The following ZNF174 variants were observed in gnomAD, a reference collection of about 807,000 sequenced individuals.
The protein encoded by ZNF174 is zinc finger protein 174.
In ZNF174, 30 loss-of-function variants were observed where a neutral mutation model predicts 38.7. The observed-to-expected ratio is 0.78, with a 90% CI of 0.58 to 1.05. The LOEUF is 1.05. Ranked by LOEUF, ZNF174 falls within the 50% of genes least tolerant of loss-of-function variation. The pLI is 0.00. For missense variants in ZNF174, 499 were observed against 495.6 expected (o/e 1.01, Z -0.06); for synonymous variants, 201 against 181.7 (o/e 1.11, Z -0.86).
rs993537575 is a variant in ZNF174 at position 3,406,710 on chromosome 16, C to T, written c.626-1611C>T. The stretch of plus-strand genomic sequence containing the variant: ...TGTGTAATTTGCAAATCTTTTCTCT[C>T]ATTTTGTGGGTTGTCTCACTTTCTT... On this transcript the variant is annotated intron_variant, in intron 2 of 2. Transcript: ENST00000268655. Among the ~76,000 whole-genome samples the T allele has an allele frequency of 2.0e-5, 3 of 152,252 alleles. No individual in the cohort carries two copies. The East Asian group carries it at 5.8e-4, about 29-fold the overall frequency.
Position 3,402,221 on chromosome 16 carries a change from C to G in ZNF174, c.217C>G (p.Gln73Glu). The change falls in exon 1 of 3, where the codon CAG (glutamine) becomes GAG (glutamate). Residue 73 changes from glutamine (Q) to glutamate (E), a missense_variant. Physicochemically the swap from Gln to Glu is conservative, Grantham distance 29. Transcript: ENST00000268655. ...CTCCCAGCTCCGACAGCTCTGCCGT[C>G]AGTGGTTGCAACCCGAGCTGCACAC... is the stretch of plus-strand genomic sequence containing the variant. ...ALSQLRQLCR[Q>E]WLQPELHTKE... The G allele has an allele frequency of 6.2e-7, 1 of 1,614,164 alleles. No homozygotes were observed. The highest frequency in any genetic ancestry group is 1.1e-5 in the South Asian group (1 of 91,084).
Position 3,402,223 on chromosome 16 carries a change from G to T in ZNF174, c.219G>T (p.Gln73His). ...ALSQLRQLCR[Q>H]WLQPELHTKE... Reference sequence around the variant, plus strand: ...CCCAGCTCCGACAGCTCTGCCGTCAGTGGTTGCAACCCGAGCTGCACACCA... The same window carrying T: ...CCCAGCTCCGACAGCTCTGCCGTCATTGGTTGCAACCCGAGCTGCACACCA... The change falls in exon 1 of 3, where the codon CAG (glutamine) becomes CAT (histidine). Residue 73 changes from glutamine to histidine, a missense_variant. Physicochemically the swap from Gln to His is conservative, Grantham distance 24 (BLOSUM62 0). Transcript: ENST00000268655. 6.2e-7 allele frequency: 1 copy of T among 1,614,174 alleles called. No individual in the cohort carries two copies. Among genetic ancestry groups the T allele is most frequent in the Admixed American group, 1.7e-5 (1 of 60,022 alleles).
chr16:3,404,970 G>C (rs529991108), intron 2 of ZNF174: 10 of 1,614,134 alleles, frequency 6.2e-6, no homozygotes, highest in Non-Finnish European at 7.6e-6. Context: ...GCAAGCTATG[G>C]CTGAGTTTCA....
intron 2 of ZNF174, chr16:3,404,955 TC>T: frequency 6.2e-7 from 1 of 1,614,180 alleles, no homozygotes; most frequent in Non-Finnish European, 8.5e-7. Flanking sequence ...CAGATGAACT[TC>T]CATGCAAGCT....
At chr16:3,406,978 TAGGGGTCTGTCAATCTGATC>T (rs1484232377) in intron 2 of ZNF174, among the ~76,000 whole-genome samples, 1 of 152,162 alleles carries the variant, frequency 6.6e-6, no homozygotes, top group Admixed American at 6.5e-5. Flanking sequence ...GGTTTTGAGG[TAGGGGTCTGTCAATCTGATC>T]AGGGGTCTGT....
Position 3,401,752 on chromosome 16 carries a change from G to T in ZNF174, c.-253G>T. On this transcript the variant is annotated 5_prime_UTR_variant, in exon 1 of 3. An upstream start codon of the reference 5' UTR is lost. Coordinates refer to ENST00000268655, the MANE Select transcript of ZNF174 (RefSeq NM_003450.3). Reference sequence around the variant, plus strand: ...CCCCAGAGTCCTTTTAGGACGTTATGACTTTTCTCCTTTGCAAGACTGCAA... The same window carrying T: ...CCCCAGAGTCCTTTTAGGACGTTATTACTTTTCTCCTTTGCAAGACTGCAA... 2.2e-6 allele frequency: 1 copy of T among 453,650 alleles called. No individual in the cohort carries two copies. The highest frequency in any genetic ancestry group is 2.6e-5 in the South Asian group (1 of 38,428). 28.1% of individuals were successfully genotyped at this position (453,650 alleles called of 1,614,324 possible).
At chr16:3,405,221 G>A (rs2034038306) in intron 2 of ZNF174, 1 of 688,060 alleles carries the variant, frequency 1.5e-6, no homozygotes, top group Non-Finnish European at 2.2e-6. Context: ...GATACAGTGA[G>A]CACGTTAGGG....
At position 3,408,334 on chromosome 16, in the gene ZNF174, G is replaced by A; in HGVS notation, c.639G>A (p.Met213Ile). 6.3e-7 allele frequency: 1 copy of A among 1,584,102 alleles called. No individual in the cohort carries two copies. Among genetic ancestry groups the A allele is most frequent in the Non-Finnish European group, 8.6e-7 (1 of 1,166,750 alleles). Residue 213 changes from methionine (M) to isoleucine (I), a missense_variant, in exon 3 of 3, where the codon ATG becomes ATA. By Grantham distance (10) the Met-to-Ile change is conservative. Coordinates refer to ENST00000268655, the MANE Select transcript of ZNF174 (RefSeq NM_003450.3). ...TTCTAATTATAGAGGCCCCCAGAATGAGAAGTGACAACAAGGAAAATCCAC... is the reference window on the plus strand; with the variant it reads ...TTCTAATTATAGAGGCCCCCAGAATAAGAAGTGACAACAAGGAAAATCCAC... ...PKLAGTEAPR[M>I]RSDNKENPQQ...
intron 1 of ZNF174, among the ~76,000 whole-genome samples, chr16:3,403,613 T>A (rs1038731609): frequency 1.4e-4 from 22 of 152,020 alleles, no homozygotes; most frequent in African/African-American, 5.1e-4. Flanking sequence ...GCCTCTCAAG[T>A]AGCTGGGACT....
intron 1 of ZNF174, among the ~76,000 whole-genome samples, chr16:3,404,026 G>A (rs2034013622): frequency 6.6e-6 from 1 of 152,150 alleles, no homozygotes; most frequent in African/African-American, 2.4e-5. Flanking sequence ...AGGTAAGAAG[G>A]ACTTTTAACA....
At chr16:3,403,075 T>C (rs2033984202) in intron 1 of ZNF174, among the ~76,000 whole-genome samples, 1 of 149,636 alleles carries the variant, frequency 6.7e-6, no homozygotes, top group African/African-American at 2.4e-5. Flanking sequence ...CCCTGTTGGG[T>C]AGCAGTTGGA....
At chr16:3,403,591 C>G (rs563652911) in intron 1 of ZNF174, among the ~76,000 whole-genome samples, 1 of 151,332 alleles carries the variant, frequency 6.6e-6, no homozygotes. Context: ...CTCAAGTGTT[C>G]CTCACACCTC....
intron 2 of ZNF174, among the ~76,000 whole-genome samples, chr16:3,407,475 ATTAT>A (rs1218716858): frequency 6.6e-6 from 1 of 152,224 alleles, no homozygotes; most frequent in Non-Finnish European, 1.5e-5. Flanking sequence ...GTATAGGCTG[ATTAT>A]TTACATTTGA....
At chr16:3,405,064 A>G (rs988719610) in intron 2 of ZNF174, 22 of 1,567,604 alleles carry the variant, frequency 1.4e-5, no homozygotes, top group African/African-American at 2.8e-5. Context: ...CTCCTCTGTG[A>G]TGTTGCTTGT....
chr16:3,404,916 T>G, intron 2 of ZNF174: 1 of 1,613,994 alleles, frequency 6.2e-7, no homozygotes, highest in Non-Finnish European at 8.5e-7. Context: ...CAGAACTTCT[T>G]ATAGAAAAGA....
intron 1 of ZNF174, among the ~76,000 whole-genome samples, chr16:3,403,870 A>ACCC (rs2034009288): frequency 6.6e-6 from 1 of 152,144 alleles, no homozygotes; most frequent in South Asian, 2.1e-4. Flanking sequence ...CCGAAGTCAG[A>ACCC]CCCCAGTCAG....
In ZNF174 at chr16:3,401,891, T is replaced by A. The variant is rs989424791; in HGVS notation, c.-114T>A. 3 of 1,342,196 alleles carry A rather than the reference T, an allele frequency of 2.2e-6. No individual in the cohort carries two copies. The Admixed American group carries it at 6.7e-5, about 30-fold the overall frequency. The allele number at this position is 1,342,196 out of a possible 1,614,324, so 83.1% of individuals were successfully genotyped here. ...TCTCTGCATCCCGTTCCCCCTAACA[T>A]CCTCAGAGAACCTTCGTTTCTAGAA... On this transcript the variant is annotated 5_prime_UTR_variant, in exon 1 of 3. Coordinates refer to ENST00000268655, the MANE Select transcript of ZNF174 (RefSeq NM_003450.3).
intron 1 of ZNF174, among the ~76,000 whole-genome samples, chr16:3,403,917 A>G (rs2034010917): frequency 6.6e-6 from 1 of 152,224 alleles, no homozygotes; most frequent in Non-Finnish European, 1.5e-5. Flanking sequence ...TACTTCGGAA[A>G]ATAGAACTTG....
Position 3,409,011 on chromosome 16 carries a change from A to G in ZNF174, c.*92A>G. On this transcript the variant is annotated 3_prime_UTR_variant, in exon 3 of 3. Coordinates refer to ENST00000268655, the MANE Select transcript of ZNF174 (RefSeq NM_003450.3). ...GTAAATCACAAAAACTGTGTGACTT[A>G]CAAGGAAAGCACGAGGCCCTTGAGG... The G allele has an allele frequency of 7.5e-7, 1 of 1,333,540 alleles. No homozygotes were observed. 82.6% of individuals were successfully genotyped at this position (1,333,540 alleles called of 1,614,324 possible).
Sources: allele counts gnomAD v4.1 joint callset (sites outside exome capture counted in the v4.1 genomes callset), GRCh38; gene constraint gnomAD v4.1.1; transcripts MANE v1.5; gene names NCBI Gene and HGNC (gene_info 2026-07-23, HGNC 2026-07-21).